Variants in DENND2C observed in about 807,000 individuals in gnomAD.
DENND2C encodes DENN domain-containing protein 2C.
Under a neutral mutation model 112.4 loss-of-function variants are expected in DENND2C, and 72 were observed. The observed-to-expected ratio is 0.64, with a 90% CI of 0.53 to 0.78. DENND2C has a LOEUF of 0.78. DENND2C is among the 30% of genes least tolerant of loss of function. DENND2C has a pLI of 0.00. For missense variants in DENND2C, 992 were observed against 1,113.8 expected, an observed-to-expected ratio of 0.89 and a Z score of 1.56; for synonymous variants, 329 against 381.6, an observed-to-expected ratio of 0.86 and a Z score of 1.61.
intron 1 of DENND2C, among the ~76,000 whole-genome samples, chr1:114,666,817 T>C (rs1480565553): frequency 2.6e-5 from 4 of 152,214 alleles, no homozygotes; most frequent in African/African-American, 9.7e-5. Context: ...CTTCAAAGTA[T>C]TAAAAGTACC....
At chr1:114,587,502 C>T (rs1357203087) in intron 19 of DENND2C, 29 bp from the exon 20 acceptor site, 4 of 1,609,190 alleles carry the variant, frequency 2.5e-6, no homozygotes, top group Admixed American at 1.7e-5. Context: ...GTTGGTGAAA[C>T]TGTGTAACAC....
chr1:114,666,116 T>C (rs530981906), intron 1 of DENND2C, among the ~76,000 whole-genome samples: 2 of 152,338 alleles, frequency 1.3e-5, no homozygotes, highest in Non-Finnish European at 2.9e-5. Flanking sequence ...ACTTTTCTGT[T>C]CCTCTTTTGA....
chr1:114,659,669 G>C (rs1657436819), intron 1 of DENND2C, among the ~76,000 whole-genome samples: 1 of 152,102 alleles, frequency 6.6e-6, no homozygotes, highest in South Asian at 2.1e-4. Context: ...CAGCAACTTT[G>C]CAAATTTTGT....
At chr1:114,649,010 A>T (rs538133092) in intron 2 of DENND2C, among the ~76,000 whole-genome samples, 1 of 151,328 alleles carries the variant, frequency 6.6e-6, no homozygotes, top group African/African-American at 2.4e-5. Flanking sequence ...GCTAGAGTGC[A>T]GTGACGTGAT....
chr1:114,655,118 A>G (rs529772616), intron 1 of DENND2C, among the ~76,000 whole-genome samples: 102 of 152,312 alleles, frequency 6.7e-4, no homozygotes, highest in Non-Finnish European at 1.5e-4. Context: ...AAGAATGGAT[A>G]TTAGATTAGG....
chr1:114,626,992 T>C, intron 3 of DENND2C, among the ~76,000 whole-genome samples: 1 of 152,126 alleles, frequency 6.6e-6, no homozygotes, highest in East Asian at 1.9e-4. Context: ...TATCAGCCCA[T>C]CACATAGCCT....
chr1:114,625,244 A>T lies in DENND2C; in HGVS notation c.741T>A (p.Ser247=). 2 of 1,614,028 alleles carry T rather than the reference A, an allele frequency of 1.2e-6. No individual in the cohort carries two copies. The highest frequency in any genetic ancestry group is 1.7e-6 in the Non-Finnish European group (2 of 1,179,992). The change falls in exon 4 of 21, where the codon TCT becomes TCA. Residue 247 remains serine, a synonymous_variant. Transcript: ENST00000393274. ...GTTCAGGTTCCTGAGAAGAGGCCAA[A>T]GAAGATTGTGCACAAGAGTTATTTT... is the stretch of plus-strand genomic sequence containing the variant. ...YCENNSCAQS[S]LASSQEPEPK...
chr1:114,602,414 A>T (rs556496056), intron 11 of DENND2C, among the ~76,000 whole-genome samples: 109 of 152,336 alleles, frequency 7.2e-4, no homozygotes, highest in Middle Eastern at 3.4e-3. Context: ...ATTCATTGCA[A>T]GTTACACTCC....
chr1:114,646,792 T>A (rs1168604732), intron 2 of DENND2C, among the ~76,000 whole-genome samples: 1 of 152,196 alleles, frequency 6.6e-6, no homozygotes, highest in Admixed American at 6.5e-5. Flanking sequence ...CTCTGGTAGA[T>A]CATGAGTCCA....
chr1:114,599,056 A>G (rs80108346), intron 16 of DENND2C, among the ~76,000 whole-genome samples: 4,013 of 152,318 alleles, frequency 0.026, 94 homozygotes, highest in Non-Finnish European at 0.034. Context: ...CAAGGTTACT[A>G]CTGTAAATAA....
intron 15 of DENND2C, 79 bp downstream of exon 15, chr1:114,600,125 T>TA (rs962939754): frequency 2.2e-4 from 317 of 1,453,364 alleles, no homozygotes; most frequent in Middle Eastern, 1.3e-3. Flanking sequence ...AATAGTAAAA[T>TA]AAAAAAAAAT....
At chr1:114,668,987 C>T (rs940048500) in intron 1 of DENND2C, among the ~76,000 whole-genome samples, 12 of 152,196 alleles carry the variant, frequency 7.9e-5, no homozygotes, top group African/African-American at 2.9e-4. Context: ...GATAACACCA[C>T]TGTGCTATTC....
rs924867966 is a variant in DENND2C, at chr1:114,637,981, G to C, written c.-205+7467C>G. Among the ~76,000 whole-genome samples, 4 of 152,212 alleles carry C rather than the reference G, an allele frequency of 2.6e-5. No homozygotes were observed. In the South Asian group the frequency reaches 8.3e-4, roughly 32 times the overall value. On this transcript the variant is annotated intron_variant, in intron 3 of 20. Transcript: ENST00000393274. ...TTTATAAGGAAAGGCAAAGAATCTA[G>C]ATTAGCCTAAATAATTTTCAAAACG... is the stretch of plus-strand genomic sequence containing the variant.
chr1:114,593,650 T>TA (rs1655258327), intron 18 of DENND2C, among the ~76,000 whole-genome samples: 1 of 152,048 alleles, frequency 6.6e-6, no homozygotes, highest in Non-Finnish European at 1.5e-5. Context: ...CTAGGTGTGG[T>TA]GGTGCATGCC....
Position 114,599,425 on chromosome 1 carries a change from A to G in DENND2C, c.2132T>C (p.Val711Ala). The part of the protein sequence containing the change: ...LSTLSKCGHA[V>A]VATLYPFTWQ... ...GGTGAACGGATACAGTGTAGCTACCACAGCATGGCCACATTTTGACAGGGT... is the reference window on the plus strand; with the variant it reads ...GGTGAACGGATACAGTGTAGCTACCGCAGCATGGCCACATTTTGACAGGGT... Residue 711 changes from valine (V) to alanine (A), a missense_variant, in exon 16 of 21, where the codon GTG becomes GCG. This residue lies in a region of DENND2C where 516 missense variants were observed against 623.6 expected (regional missense o/e 0.83). Transcript: ENST00000393274. 1 of 1,614,016 alleles carries G rather than the reference A, an allele frequency of 6.2e-7. No homozygotes were observed.
At chr1:114,629,913 G>T (rs1481770852) in intron 3 of DENND2C, among the ~76,000 whole-genome samples, 1 of 152,122 alleles carries the variant, frequency 6.6e-6, no homozygotes, top group African/African-American at 2.4e-5. Context: ...TATTTGATTA[G>T]ATATAAGCAT....
At chr1:114,619,568 A>G (rs1489381801) in intron 7 of DENND2C, among the ~76,000 whole-genome samples, 2 of 152,150 alleles carry the variant, frequency 1.3e-5, no homozygotes, top group African/African-American at 4.8e-5. Context: ...CTTCCAAAAC[A>G]CAGATTATTA....
At chr1:114,650,780 A>G (rs772007048) in intron 2 of DENND2C, among the ~76,000 whole-genome samples, 1 of 152,186 alleles carries the variant, frequency 6.6e-6, no homozygotes, top group Non-Finnish European at 1.5e-5. Context: ...ATTTCATTCT[A>G]AAGCTTAAAA....
At chr1:114,614,637 C>G (rs1370489251) in intron 8 of DENND2C, among the ~76,000 whole-genome samples, 2 of 152,026 alleles carry the variant, frequency 1.3e-5, no homozygotes, top group Non-Finnish European at 1.5e-5. Context: ...TCTTCAAAAA[C>G]TTGTCTTAGA....
Sources: allele counts gnomAD v4.1 joint callset (sites outside exome capture counted in the v4.1 genomes callset), GRCh38; gene constraint gnomAD v4.1.1; regional missense constraint gnomAD v4.1.1; transcripts MANE v1.5; gene names NCBI Gene and HGNC (gene_info 2026-07-23, HGNC 2026-07-21).